The following NFATC4 variants were observed in gnomAD, a reference collection of about 807,000 sequenced individuals.
NFATC4 encodes nuclear factor of activated T-cells, cytoplasmic 4.
In NFATC4, 25 loss-of-function variants were observed where a neutral mutation model predicts 73.4. The observed-to-expected ratio is 0.34, with a 90% CI of 0.25 to 0.48. The LOEUF is 0.48. Among genes scored for constraint, NFATC4 ranks in the 20% least tolerant of loss-of-function variants. The pLI is 0.99. For missense variants in NFATC4, 1,130 were observed against 1,203.7 expected (o/e 0.94, Z 0.91); for synonymous variants, 523 against 510.3 (o/e 1.02, Z -0.34).
intron 5 of NFATC4, 198 bp downstream of exon 5, chr14:24,374,065 G>T (rs766872126): frequency 4.6e-5 from 42 of 916,064 alleles, no homozygotes; most frequent in Non-Finnish European, 6.4e-5. Context: ...AGTGACACTG[G>T]ACCCTATCTA....
intron 2 of NFATC4, chr14:24,371,601 C>T (rs1320524946): frequency 6.6e-6 from 1 of 152,502 alleles, no homozygotes; most frequent in Non-Finnish European, 1.5e-5. Flanking sequence ...ACCTATCAAG[C>T]CCCAACTAGT....
chr14:24,370,279 G>A lies in NFATC4; in HGVS notation c.881G>A (p.Gly294Glu), dbSNP rs1212445199. The A allele has an allele frequency of 6.2e-7, 1 of 1,612,270 alleles. No homozygotes were observed. Among genetic ancestry groups the A allele is most frequent in the African/African-American group, 1.3e-5 (1 of 74,910 alleles). Residue 294 changes from glycine to glutamate, a missense_variant, in exon 2 of 10, where the codon GGG (glycine) becomes GAG (glutamate). Around this residue, in one of 3 missense-constraint regions of NFATC4, gnomAD observed 585 missense variants for 574.3 expected, o/e 1.02. Transcript: ENST00000250373. Reference sequence around the variant, plus strand: ...CGCCGTGGCAGCCTGGGGGAAGAGGGGTCTGAGCCACCTCCACCACCCCCA... The same window carrying A: ...CGCCGTGGCAGCCTGGGGGAAGAGGAGTCTGAGCCACCTCCACCACCCCCA... The part of the protein sequence containing the change: ...LSRRGSLGEE[G>E]SEPPPPPPLP...
rs2042713586 is a variant in NFATC4 at position 24,379,592 on chromosome 14, T to A, written c.*1887T>A. The stretch of plus-strand genomic sequence containing the variant: ...GGGCAAAAGTAAATAAACAGCTTAT[T>A]ACAATTCAACAATTCAAACTCAATA... On this transcript the variant is annotated 3_prime_UTR_variant, in exon 10 of 10. Transcript: ENST00000250373. 1 of 152,226 alleles carries A rather than the reference T, an allele frequency of 6.6e-6. No individual in the cohort carries two copies. Among genetic ancestry groups the A allele is most frequent in the Admixed American group, 6.5e-5 (1 of 15,280 alleles). The allele number at this position is 152,226 out of a possible 1,614,324, so 9.4% of individuals were successfully genotyped here. A position where few individuals can be genotyped will look rare whatever the true frequency, so the allele number is the denominator to read the frequency against.
chr14:24,372,690 C>G, intron 3 of NFATC4, 87 bp downstream of exon 3: 1 of 1,527,810 alleles, frequency 6.5e-7, no homozygotes, highest in Non-Finnish European at 9.0e-7. Context: ...CCCTTTCCCA[C>G]ACTCCCTCTC....
intron 6 of NFATC4, 197 bp downstream of exon 6, chr14:24,374,663 G>A: frequency 1.9e-6 from 1 of 536,698 alleles, no homozygotes; most frequent in Non-Finnish European, 3.3e-6. Context: ...AAAATGTTGA[G>A]GATGCTGAAC....
In NFATC4 at chr14:24,378,744, A is replaced by G. The variant is rs2042696300; in HGVS notation, c.*1039A>G. The G allele has an allele frequency of 6.6e-6, 1 of 152,334 alleles. No individual in the cohort carries two copies. Among genetic ancestry groups the G allele is most frequent in the African/African-American group, 2.4e-5 (1 of 41,470 alleles). The allele number at this position is 152,334 out of a possible 1,614,324, so 9.4% of individuals were successfully genotyped here. On this transcript the variant is annotated 3_prime_UTR_variant, in exon 10 of 10. Transcript: ENST00000250373. ...CTGAATGTCACCTGCCCTGGGGCTT[A>G]CAGCACTATATGAGTTCCTGGCCTA...
chr14:24,379,584 C>T lies in NFATC4; in HGVS notation c.*1879C>T, dbSNP rs1239462750. The T allele has an allele frequency of 6.6e-6, 1 of 152,174 alleles. No individual in the cohort carries two copies. The highest frequency in any genetic ancestry group is 1.5e-5 in the Non-Finnish European group (1 of 68,038). The allele number at this position is 152,174 out of a possible 1,614,324, so 9.4% of individuals were successfully genotyped here. A position where few individuals can be genotyped will look rare whatever the true frequency, so the allele number is the denominator to read the frequency against. On this transcript the variant is annotated 3_prime_UTR_variant, in exon 10 of 10. Transcript: ENST00000250373. ...GCCTCATGGGGCAAAAGTAAATAAA[C>T]AGCTTATTACAATTCAACAATTCAA...
chr14:24,367,711 C>A, upstream of NFATC4: 5 of 1,514,368 alleles, frequency 3.3e-6, no homozygotes, highest in South Asian at 2.4e-5. Context: ...GCCACTCTGC[C>A]CCCAGGACCC....
chr14:24,376,616 AG>A lies in NFATC4; in HGVS notation c.2382del (p.Arg795GlyfsTer49). On this transcript the variant is annotated frameshift_variant, in exon 9 of 10. Transcript: ENST00000250373. LOFTEE classifies it high-confidence loss of function. The surrounding 1 kb of genome is among the most constrained non-coding windows in gnomAD (Gnocchi z 5.0). The stretch of plus-strand genomic sequence containing the variant: ...GCCCCTTCCCTAGTGACCCGTATGG[AG>A]GGCGGGGCTCCTCTTTCTCCCTGGG... ...PRPFPSDPYG[G>X]RGSSFSLGLP... 1 of 1,613,462 alleles carries A rather than the reference AG, an allele frequency of 6.2e-7. No individual in the cohort carries two copies. The highest frequency in any genetic ancestry group is 8.5e-7 in the Non-Finnish European group (1 of 1,179,798).
chr14:24,367,644 G>C, upstream of NFATC4: 1 of 1,536,086 alleles, frequency 6.5e-7, no homozygotes, highest in Non-Finnish European at 8.7e-7. Context: ...CCCGGGCAGA[G>C]TAGCCCCAGG....
Position 24,376,083 on chromosome 14 carries a change from A to G in NFATC4, c.2038A>G (p.Ser680Gly), listed in dbSNP as rs1433492407. 5 of 1,613,962 alleles carry G rather than the reference A, an allele frequency of 3.1e-6. No individual in the cohort carries two copies. The highest frequency in any genetic ancestry group is 4.2e-6 in the Non-Finnish European group (5 of 1,179,946). The change falls in exon 8 of 10, where the codon AGT becomes GGT. Residue 680 changes from serine to glycine, a missense_variant. By Grantham distance (56) the Ser-to-Gly change is moderately conservative. Coordinates refer to ENST00000250373, the MANE Select transcript of NFATC4 (RefSeq NM_004554.5). The surrounding 1 kb of genome is among the most constrained non-coding windows in gnomAD (Gnocchi z 5.0). Reference sequence around the variant, plus strand: ...GCGGAGGAAACGCAGTCCTACCCAGAGTTTCAGGTTTCTGCCTGGTGCGCT... The same window carrying G: ...GCGGAGGAAACGCAGTCCTACCCAGGGTTTCAGGTTTCTGCCTGGTGCGCT... ...NGRRKRSPTQ[S>G]FRFLPVICKE...
chr14:24,367,190 G>T, upstream of NFATC4: 1 of 1,613,928 alleles, frequency 6.2e-7, no homozygotes, highest in Non-Finnish European at 8.5e-7. Flanking sequence ...CTCCAGTCCA[G>T]GTCTTCCTTC....
At chr14:24,366,919 C>G, upstream of NFATC4, 3 of 1,516,322 alleles carry the variant, frequency 2.0e-6, no homozygotes, top group Non-Finnish European at 2.6e-6. Context: ...TTGTAAACGT[C>G]TGACCTGGGG....
At chr14:24,368,999 C>A (rs901402745) in intron 1 of NFATC4, 13 of 1,243,616 alleles carry the variant, frequency 1.0e-5, no homozygotes, top group Non-Finnish European at 1.2e-5. Flanking sequence ...CTCGGCTGCA[C>A]CTCCGCCCCT....
rs534012522 is a variant in NFATC4 at position 24,377,480 on chromosome 14, G to A, written c.2642-158G>A. 96 of 1,453,814 alleles carry A rather than the reference G, an allele frequency of 6.6e-5. No individual in the cohort carries two copies. The highest frequency in any genetic ancestry group is 4.2e-4 in the East Asian group (17 of 40,236). The allele number at this position is 1,453,814 out of a possible 1,614,324, so 90.1% of individuals were successfully genotyped here. A position where few individuals can be genotyped will look rare whatever the true frequency, so the allele number is the denominator to read the frequency against. On this transcript the variant is annotated intron_variant, in intron 9 of 9. Transcript: ENST00000250373. This position sits in a 1 kb window ranked among gnomAD's most constrained non-coding sequence, Gnocchi z 4.2. ...TTTGATTCGGAGCAGGTGTCAAGAC[G>A]TGTTGGGGAAACTGAGGCCCAGTGG...
At chr14:24,366,989 G>C, upstream of NFATC4, 1 of 1,598,130 alleles carries the variant, frequency 6.3e-7, no homozygotes, top group Non-Finnish European at 8.5e-7. Flanking sequence ...GCCCTGAACC[G>C]GAGGGATTTA....
At position 24,373,520 on chromosome 14, in the gene NFATC4, C is replaced by T. The variant is rs2042529798; in HGVS notation, c.1559+150C>T. The T allele has an allele frequency of 7.3e-7, 1 of 1,363,606 alleles. No homozygotes were observed. Among genetic ancestry groups the T allele is most frequent in the African/African-American group, 1.4e-5 (1 of 69,104 alleles). 84.5% of individuals were successfully genotyped at this position (1,363,606 alleles called of 1,614,324 possible). A position where few individuals can be genotyped will look rare whatever the true frequency, so the allele number is the denominator to read the frequency against. ...GGCCTACCCACCATCTGGAAGAGGA[C>T]TTTTGGGGTTGGGGGTACCCCAGAG... On this transcript the variant is annotated intron_variant, in intron 4 of 9. Coordinates refer to ENST00000250373, the MANE Select transcript of NFATC4 (RefSeq NM_004554.5). The surrounding 1 kb of genome is among the most constrained non-coding windows in gnomAD (Gnocchi z 4.7).
chr14:24,375,868 C>A, intron 7 of NFATC4, 107 bp from the exon 8 acceptor site: 1 of 1,564,206 alleles, frequency 6.4e-7, no homozygotes, highest in Non-Finnish European at 8.8e-7. Flanking sequence ...ATGAACTTTG[C>A]ATCTTAGAAA....
At chr14:24,368,576 T>C (rs947319918) in intron 1 of NFATC4, 136 bp downstream of exon 1, 17 of 773,072 alleles carry the variant, frequency 2.2e-5, no homozygotes, top group Non-Finnish European at 2.7e-5. Flanking sequence ...GGGGGACTCG[T>C]TGGCCTGCGG....
Sources: allele counts gnomAD v4.1 joint callset, GRCh38; gene constraint gnomAD v4.1.1; regional missense constraint gnomAD v4.1.1; non-coding constraint Gnocchi (gnomAD v3.1); transcripts MANE v1.5; gene names NCBI Gene and HGNC (gene_info 2026-07-23, HGNC 2026-07-21).